ZRANB3: variants seen among roughly 807,000 people sequenced by gnomAD.
ZRANB3 encodes the protein zinc finger RANBP2-type containing 3.
In ZRANB3, 125 loss-of-function variants were observed where a neutral mutation model predicts 133.8. The ratio of observed to expected loss-of-function variants is 0.93; its 90% CI spans 0.81 to 1.08. The LOEUF (loss-of-function observed/expected upper bound fraction) is 1.08, where lower values mean the gene tolerates loss of function less well. Ranked by LOEUF, ZRANB3 falls within the 50% of genes least tolerant of loss-of-function variation. ZRANB3 has a pLI of 0.00. For missense variants in ZRANB3, 1,229 were observed against 1,275.5 expected (o/e 0.96, Z 0.56); for synonymous variants, 387 against 432.7 (o/e 0.89, Z 1.31).
At chr2:135,365,217 G>T (rs1685872334) in intron 3 of ZRANB3, among the ~76,000 whole-genome samples, 1 of 150,858 alleles carries the variant, frequency 6.6e-6, no homozygotes, top group African/African-American at 2.4e-5. Flanking sequence ...CAGTAAGTCA[G>T]GATTGCACCA....
At chr2:135,370,155 T>C (rs1426978556) in intron 3 of ZRANB3, among the ~76,000 whole-genome samples, 2 of 151,802 alleles carry the variant, frequency 1.3e-5, no homozygotes, top group Non-Finnish European at 2.9e-5. Flanking sequence ...ATTTTTTACC[T>C]ATTGTTCTAT....
At chr2:135,326,122 G>T (rs1006512564) in intron 6 of ZRANB3, among the ~76,000 whole-genome samples, 3 of 152,056 alleles carry the variant, frequency 2.0e-5, no homozygotes, top group African/African-American at 7.2e-5. Flanking sequence ...AAACTAAAAA[G>T]AACCCCAAAA....
chr2:135,514,856 T>C (rs1574238169), intron 1 of ZRANB3, among the ~76,000 whole-genome samples: 2 of 152,160 alleles, frequency 1.3e-5, no homozygotes, highest in African/African-American at 4.8e-5. Flanking sequence ...TGAAGGGGTG[T>C]TGAATTTTAT....
Position 135,275,714 on chromosome 2 carries a change from A to G in ZRANB3, c.1008T>C (p.Asn336=), listed in dbSNP as rs1680783284. The G allele has an allele frequency of 6.2e-7, 1 of 1,604,748 alleles. No homozygotes were observed. Among genetic ancestry groups the G allele is most frequent in the Admixed American group, 1.7e-5 (1 of 59,330 alleles). The stretch of plus-strand genomic sequence containing the variant: ...CAAAAACCAGAAATTTAAGCGAATC[A>G]TTCTGAAGCATCATCTTAATATAAT... ...VKDYIKMMLQ[N]DSLKFLVFAH... The change falls in exon 9 of 21, where the codon AAT becomes AAC. Residue 336 remains asparagine (N), a synonymous_variant. Transcript: ENST00000264159.
chr2:135,246,282 T>C (rs1448821300), intron 12 of ZRANB3, among the ~76,000 whole-genome samples: 1 of 152,044 alleles, frequency 6.6e-6, no homozygotes, highest in Non-Finnish European at 1.5e-5. Flanking sequence ...ATGTCTGGTT[T>C]ATAAAAGAAG....
intron 8 of ZRANB3, among the ~76,000 whole-genome samples, chr2:135,297,543 G>A (rs772042520): frequency 2.6e-5 from 4 of 152,184 alleles, no homozygotes; most frequent in East Asian, 1.9e-4. Flanking sequence ...GCGATGCCTC[G>A]CCCTGCTTTG....
intron 8 of ZRANB3, among the ~76,000 whole-genome samples, chr2:135,304,855 T>A (rs539870685): frequency 1.3e-5 from 2 of 152,310 alleles, no homozygotes; most frequent in Admixed American, 1.3e-4. Context: ...TTAATGCCTA[T>A]AGGGTCTGTA....
At chr2:135,255,777 C>T (rs1010078554) in intron 12 of ZRANB3, among the ~76,000 whole-genome samples, 6 of 151,916 alleles carry the variant, frequency 3.9e-5, no homozygotes, top group African/African-American at 7.3e-5. Flanking sequence ...ACCAGGATTT[C>T]GAGGCTGCAG....
chr2:135,350,174 A>C lies in ZRANB3; in HGVS notation c.401T>G (p.Leu134Arg). The change falls in exon 5 of 21, where the codon CTC (leucine) becomes CGC (arginine). Residue 134 changes from leucine to arginine, a missense_variant. Transcript: ENST00000264159. ...CAAAGTCTTTGCATCTGCGGTTAAG[A>C]GACCATAACCCAGAACTGTCACTTT... ...TSKVTVLGYG[L>R]LTADAKTLID... 3 of 1,608,358 alleles carry C rather than the reference A, an allele frequency of 1.9e-6. No individual in the cohort carries two copies. The highest frequency in any genetic ancestry group is 1.7e-6 in the Non-Finnish European group (2 of 1,177,088).
chr2:135,358,027 TAGA>T, intron 3 of ZRANB3, among the ~76,000 whole-genome samples: 1 of 152,194 alleles, frequency 6.6e-6, no homozygotes, highest in East Asian at 1.9e-4. Flanking sequence ...CTATTTATTA[TAGA>T]AGATGGCCCT....
chr2:135,313,085 G>A (rs1346253800), intron 8 of ZRANB3, among the ~76,000 whole-genome samples: 3 of 150,224 alleles, frequency 2.0e-5, no homozygotes, highest in Non-Finnish European at 4.4e-5. Flanking sequence ...AAAGTATAAC[G>A]TATAGTATCC....
intron 2 of ZRANB3, among the ~76,000 whole-genome samples, chr2:135,400,850 A>G (rs1270636135): frequency 6.6e-6 from 1 of 152,224 alleles, no homozygotes; most frequent in African/African-American, 2.4e-5. Flanking sequence ...TTATTTATCA[A>G]CATAATTGGT....
intron 2 of ZRANB3, among the ~76,000 whole-genome samples, chr2:135,465,248 A>G (rs779890230): frequency 5.9e-5 from 9 of 151,768 alleles, no homozygotes; most frequent in Non-Finnish European, 1.2e-4. Context: ...GTCCTGTTTT[A>G]AAGTTCATGT....
chr2:135,467,570 C>T (rs1447485781), intron 2 of ZRANB3, among the ~76,000 whole-genome samples: 1 of 152,218 alleles, frequency 6.6e-6, no homozygotes, highest in Non-Finnish European at 1.5e-5. Context: ...TTCTCAGAAA[C>T]CTTTACTATT....
chr2:135,216,207 G>A (rs1311862243), intron 17 of ZRANB3, among the ~76,000 whole-genome samples: 2 of 151,574 alleles, frequency 1.3e-5, no homozygotes, highest in African/African-American at 2.4e-5. Context: ...AAAGATTTTC[G>A]CTGTATGGAA....
intron 1 of ZRANB3, among the ~76,000 whole-genome samples, chr2:135,525,010 G>A (rs1694094133): frequency 6.6e-6 from 1 of 151,896 alleles, no homozygotes; most frequent in Admixed American, 6.6e-5. Context: ...TAAATTAGAA[G>A]CTATAAAAAA....
At chr2:135,239,650 A>G (rs1219034506) in intron 12 of ZRANB3, among the ~76,000 whole-genome samples, 1 of 152,234 alleles carries the variant, frequency 6.6e-6, no homozygotes, top group Non-Finnish European at 1.5e-5. Context: ...GAATGAAATC[A>G]TTAACCACAA....
chr2:135,409,010 T>C (rs1335838135), intron 2 of ZRANB3, among the ~76,000 whole-genome samples: 22 of 151,954 alleles, frequency 1.4e-4, no homozygotes, highest in Admixed American at 1.4e-3. Flanking sequence ...GCTCAGTAAT[T>C]TATAAAGAAA....
intron 12 of ZRANB3, among the ~76,000 whole-genome samples, chr2:135,247,187 C>T (rs577896495): frequency 6.6e-6 from 1 of 152,288 alleles, no homozygotes; most frequent in Admixed American, 6.5e-5. Context: ...TCATGCTGGT[C>T]TCTTGAACCA....
Sources: gnomAD v4.1 joint callset for allele counts (sites outside exome capture counted in the v4.1 genomes callset) on GRCh38, gnomAD v4.1.1 for gene constraint, MANE v1.5 for transcripts, NCBI Gene and HGNC (gene_info 2026-07-23, HGNC 2026-07-21) for gene names.